DHX15: variants seen among roughly 807,000 people sequenced by gnomAD.
DHX15 encodes ATP-dependent RNA helicase DHX15.
In DHX15, 11 loss-of-function variants were observed where a neutral mutation model predicts 94.4. The observed-to-expected ratio is 0.12, with a 90% CI of 0.07 to 0.19. The LOEUF (loss-of-function observed/expected upper bound fraction) is 0.19, where lower values mean the gene tolerates loss of function less well. Among genes scored for constraint, DHX15 ranks in the 10% least tolerant of loss-of-function variants. The pLI is 1.00. For synonymous variants in DHX15, 338 were observed against 329.9 expected (o/e 1.02, Z -0.27); for missense variants, 304 against 988.5 (o/e 0.31, Z 9.29).
chr4:24,568,526 C>G (rs1290892631), intron 3 of DHX15, among the ~76,000 whole-genome samples: 2 of 152,110 alleles, frequency 1.3e-5, no homozygotes, highest in Admixed American at 6.5e-5. Flanking sequence ...ACTATAAAAT[C>G]TGTTACTTGT....
At chr4:24,534,242 T>C (rs1721148144) in intron 11 of DHX15, 1 of 152,188 alleles carries the variant, frequency 6.6e-6, no homozygotes. Flanking sequence ...ACCTTAGAGG[T>C]AATTTTACTT....
chr4:24,572,912 TTTTG>T (rs1392986063), intron 2 of DHX15, among the ~76,000 whole-genome samples: 1 of 152,026 alleles, frequency 6.6e-6, no homozygotes, highest in Non-Finnish European at 1.5e-5. Context: ...GATCCGGCTT[TTTTG>T]TTTTTTTCTT....
chr4:24,559,689 C>T (rs1448086515), intron 3 of DHX15, among the ~76,000 whole-genome samples: 1 of 152,126 alleles, frequency 6.6e-6, no homozygotes, highest in African/African-American at 2.4e-5. Context: ...TACTGGGTGC[C>T]TTACTATCTA....
At chr4:24,552,317 TTAC>T (rs1478991349) in intron 5 of DHX15, among the ~76,000 whole-genome samples, 1 of 152,142 alleles carries the variant, frequency 6.6e-6, no homozygotes, top group Non-Finnish European at 1.5e-5. Context: ...AATCTGGACC[TTAC>T]CAATTAACTC....
intron 1 of DHX15, among the ~76,000 whole-genome samples, chr4:24,580,117 T>G (rs142667502): frequency 6.6e-6 from 1 of 152,330 alleles, no homozygotes; most frequent in African/African-American, 2.4e-5. Flanking sequence ...GTTAAAATTC[T>G]ACATGGAGGG....
chr4:24,567,021 A>C (rs1722007271), intron 3 of DHX15, among the ~76,000 whole-genome samples: 1 of 152,196 alleles, frequency 6.6e-6, no homozygotes, highest in Non-Finnish European at 1.5e-5. Context: ...CAACACATAG[A>C]AGGTACTTAA....
At chr4:24,578,482 T>C (rs1261508132) in intron 1 of DHX15, among the ~76,000 whole-genome samples, 1 of 152,220 alleles carries the variant, frequency 6.6e-6, no homozygotes, top group Non-Finnish European at 1.5e-5. Flanking sequence ...AAAGAACATC[T>C]GGTCTGAACA....
chr4:24,553,443 T>C (rs1373797155), intron 5 of DHX15, among the ~76,000 whole-genome samples: 1 of 151,906 alleles, frequency 6.6e-6, no homozygotes, highest in Non-Finnish European at 1.5e-5. Flanking sequence ...GCCTCAATAC[T>C]ACATTACAGC....
chr4:24,569,765 C>CT (rs201718821), intron 3 of DHX15, among the ~76,000 whole-genome samples: 2,803 of 151,364 alleles, frequency 0.019, 60 homozygotes, highest in Admixed American at 0.038. Context: ...TATGATTTTT[C>CT]TTTTTTTTTA....
At chr4:24,574,128 C>G (rs1722186444) in intron 2 of DHX15, among the ~76,000 whole-genome samples, 1 of 144,106 alleles carries the variant, frequency 6.9e-6, no homozygotes, top group Non-Finnish European at 1.5e-5. Flanking sequence ...ATCACTTGAA[C>G]CCAGGAGGAG....
intron 3 of DHX15, among the ~76,000 whole-genome samples, chr4:24,560,080 T>C (rs1010511308): frequency 9.2e-5 from 14 of 152,154 alleles, no homozygotes; most frequent in African/African-American, 2.7e-4. Flanking sequence ...CACATGTAGA[T>C]GGCGTAGTAT....
chr4:24,532,398 T>C (rs1341280370), intron 12 of DHX15, among the ~76,000 whole-genome samples: 1 of 152,232 alleles, frequency 6.6e-6, no homozygotes, highest in South Asian at 2.1e-4. Flanking sequence ...GCTTAGTTTT[T>C]AGATAAAGAC....
In DHX15 at chr4:24,547,923, A is replaced by ATATC. The variant is rs1721475148; in HGVS notation, c.1248+931_1248+932insGATA. Among the ~76,000 whole-genome samples, 39 of 84,614 alleles carry ATATC rather than the reference A, an allele frequency of 4.6e-4. 1 individual carries two copies. The South Asian group carries it at 0.015, about 34-fold the overall frequency. 55.5% of individuals were successfully genotyped at this position (84,614 alleles called of 152,430 possible). On this transcript the variant is annotated intron_variant, in intron 6 of 13. Coordinates refer to ENST00000336812, the MANE Select transcript of DHX15 (RefSeq NM_001358.3). Reference sequence around the variant, plus strand: ...TATGTGTATATATATATATATATATATATATATATATATATATATCTATAT... The same window carrying ATATC: ...TATGTGTATATATATATATATATATATATCTATATATATATATATATATCTATAT...
At chr4:24,577,882 C>A (rs1365923570) in intron 1 of DHX15, among the ~76,000 whole-genome samples, 4 of 152,162 alleles carry the variant, frequency 2.6e-5, no homozygotes, top group Middle Eastern at 3.2e-3. Flanking sequence ...TCTTTAAACC[C>A]AGACTTGAAA....
At position 24,527,763 on chromosome 4, in the gene DHX15, T is replaced by C; in HGVS notation, c.*161A>G. 1 of 548,748 alleles carries C rather than the reference T, an allele frequency of 1.8e-6. No individual in the cohort carries two copies. The highest frequency in any genetic ancestry group is 3.2e-6 in the Non-Finnish European group (1 of 309,058). The allele number at this position is 548,748 out of a possible 1,614,324, so 34.0% of individuals were successfully genotyped here. A position where few individuals can be genotyped will look rare whatever the true frequency, so the allele number is the denominator to read the frequency against. ...AACACAAAAGGGAGGCATAAATGTT[T>C]AATTTATGAAATCAGAATGGAATAT... On this transcript the variant is annotated 3_prime_UTR_variant, in exon 14 of 14. Transcript: ENST00000336812.
chr4:24,555,065 T>C, intron 4 of DHX15, 122 bp from the exon 5 acceptor site: 1 of 599,498 alleles, frequency 1.7e-6, no homozygotes, highest in African/African-American at 1.9e-5. Flanking sequence ...AACCTTCAAA[T>C]AAACTGTAAA....
intron 12 of DHX15, among the ~76,000 whole-genome samples, chr4:24,531,667 C>G (rs1220161595): frequency 6.6e-6 from 1 of 151,952 alleles, no homozygotes; most frequent in Non-Finnish European, 1.5e-5. Context: ...TGCAGTGAGC[C>G]GTGATTGCAC....
chr4:24,532,413 G>A (rs1218449026), intron 12 of DHX15, among the ~76,000 whole-genome samples: 1 of 152,120 alleles, frequency 6.6e-6, no homozygotes, highest in Non-Finnish European at 1.5e-5. Context: ...AAAGACTAAA[G>A]CCAACTGTAT....
chr4:24,542,393 ACT>A (rs1228436093), intron 7 of DHX15, among the ~76,000 whole-genome samples: 5 of 152,160 alleles, frequency 3.3e-5, no homozygotes, highest in South Asian at 4.1e-4. Context: ...GAGTACTATT[ACT>A]CTGTTACTGT....
Sources: allele counts gnomAD v4.1 joint callset (sites outside exome capture counted in the v4.1 genomes callset), GRCh38; gene constraint gnomAD v4.1.1; transcripts MANE v1.5; gene names NCBI Gene and HGNC (gene_info 2026-07-23, HGNC 2026-07-21).